The following NEK10 variants were observed in gnomAD, a reference collection of about 807,000 sequenced individuals.
NEK10 encodes NIMA related kinase 10.
In NEK10, 122 loss-of-function variants were observed where a neutral mutation model predicts 159.8. The observed-to-expected ratio is 0.76, with a 90% CI of 0.66 to 0.89. NEK10 has a LOEUF of 0.89. Among genes scored for constraint, NEK10 ranks in the 40% least tolerant of loss-of-function variants. The probability of loss-of-function intolerance (pLI) is 0.00; values close to 1 mark genes in which losing one functional copy is unlikely to be tolerated. For missense variants in NEK10, 1,342 were observed against 1,323.1 expected, an observed-to-expected ratio of 1.01 and a Z score of -0.22; for synonymous variants, 466 against 457.1, an observed-to-expected ratio of 1.02 and a Z score of -0.25.
chr3:27,235,638 A>G (rs1272890067), intron 23 of NEK10, among the ~76,000 whole-genome samples: 1 of 152,136 alleles, frequency 6.6e-6, no homozygotes, highest in Non-Finnish European at 1.5e-5. Context: ...TGTGGAGAAA[A>G]AGAAATGCTT....
At chr3:27,351,426 C>A (rs184103830) in intron 3 of NEK10, among the ~76,000 whole-genome samples, 3 of 152,068 alleles carry the variant, frequency 2.0e-5, no homozygotes, top group Admixed American at 6.6e-5. Context: ...CTAGACTTCA[C>A]CAATTAGGAG....
chr3:27,308,866 C>G, intron 10 of NEK10, 60 bp downstream of exon 10: 1 of 726,896 alleles, frequency 1.4e-6, no homozygotes, highest in Non-Finnish European at 2.3e-6. Context: ...ATTTTGCATC[C>G]TTACCACCTA....
At chr3:27,340,873 T>C (rs927936824) in intron 5 of NEK10, among the ~76,000 whole-genome samples, 1 of 152,106 alleles carries the variant, frequency 6.6e-6, no homozygotes, top group Non-Finnish European at 1.5e-5. Context: ...AAGAAATCAG[T>C]ATAACAAAGG....
At chr3:27,205,958 A>G (rs1313943522) in intron 23 of NEK10, among the ~76,000 whole-genome samples, 1 of 143,912 alleles carries the variant, frequency 6.9e-6, no homozygotes, top group African/African-American at 2.6e-5. Flanking sequence ...CAACCTACTC[A>G]TCTGACAAAG....
At chr3:27,208,103 T>C (rs1263497265) in intron 23 of NEK10, among the ~76,000 whole-genome samples, 2 of 152,154 alleles carry the variant, frequency 1.3e-5, no homozygotes, top group African/African-American at 4.8e-5. Flanking sequence ...TGGATATTTA[T>C]GGTTGCTGAA....
At chr3:27,248,490 T>G (rs995629278) in intron 23 of NEK10, among the ~76,000 whole-genome samples, 5 of 152,144 alleles carry the variant, frequency 3.3e-5, no homozygotes, top group African/African-American at 1.2e-4. Flanking sequence ...GGTTTAGGCA[T>G]TTATAGCTAC....
intron 1 of NEK10, chr3:27,363,800 T>G (rs2048854199): frequency 6.6e-6 from 1 of 152,200 alleles, no homozygotes; most frequent in Admixed American, 6.5e-5. Context: ...TCTCCACTGA[T>G]GCAAGTTGAC....
At chr3:27,117,362 C>T (rs1260571207) in intron 33 of NEK10, among the ~76,000 whole-genome samples, 1 of 152,184 alleles carries the variant, frequency 6.6e-6, no homozygotes, top group African/African-American at 2.4e-5. Context: ...ATTGCTGGTT[C>T]AAATGGTATT....
At chr3:27,312,446 C>T (rs1039950227) in intron 7 of NEK10, among the ~76,000 whole-genome samples, 1 of 152,102 alleles carries the variant, frequency 6.6e-6, no homozygotes, top group Non-Finnish European at 1.5e-5. Flanking sequence ...TGACTCTTAA[C>T]TAAGTAAGTT....
At chr3:27,165,279 TAG>T (rs1409868337) in intron 29 of NEK10, among the ~76,000 whole-genome samples, 1 of 152,182 alleles carries the variant, frequency 6.6e-6, no homozygotes, top group Non-Finnish European at 1.5e-5. Context: ...AATTTCAAAA[TAG>T]AACAGACTCA....
In NEK10 at chr3:27,311,666, G is replaced by A. The variant is rs529308622; in HGVS notation, c.568+433C>T. ...GACTAAGGAATACCTCACACTCACA[G>A]TCCAATGTTTTCACATTCGCAGCAT... is the stretch of plus-strand genomic sequence containing the variant. On this transcript the variant is annotated intron_variant, in intron 8 of 35. Transcript: ENST00000691995. The A allele has an allele frequency of 3.5e-5, 7 of 197,236 alleles. No individual in the cohort carries two copies. The South Asian group carries it at 4.2e-4, about 12-fold the overall frequency. 12.2% of individuals were successfully genotyped at this position (197,236 alleles called of 1,614,324 possible).
chr3:27,306,843 A>G (rs960560934), intron 11 of NEK10, among the ~76,000 whole-genome samples: 2 of 152,134 alleles, frequency 1.3e-5, no homozygotes, highest in Non-Finnish European at 2.9e-5. Context: ...TTTTGTTCTT[A>G]TGGTCCTGCT....
intron 6 of NEK10, among the ~76,000 whole-genome samples, chr3:27,317,941 T>C (rs983216997): frequency 6.6e-6 from 1 of 152,192 alleles, no homozygotes; most frequent in Non-Finnish European, 1.5e-5. Context: ...TGGCTGGGAC[T>C]ACAGGCGCCC....
At chr3:27,303,276 G>C (rs550927067) in intron 12 of NEK10, among the ~76,000 whole-genome samples, 2 of 152,168 alleles carry the variant, frequency 1.3e-5, no homozygotes, top group South Asian at 4.1e-4. Context: ...AGCAAAAGAA[G>C]AAAGCTAGAT....
intron 20 of NEK10, among the ~76,000 whole-genome samples, chr3:27,286,986 C>A (rs968152145): frequency 6.6e-6 from 1 of 151,972 alleles, no homozygotes; most frequent in Non-Finnish European, 1.5e-5. Context: ...ATAACAATAG[C>A]ACTGAAAAAG....
At chr3:27,286,589 C>T (rs1197701668) in intron 20 of NEK10, among the ~76,000 whole-genome samples, 1 of 128,936 alleles carries the variant, frequency 7.8e-6, no homozygotes, top group Non-Finnish European at 1.6e-5. Flanking sequence ...AGGGTTTCAC[C>T]ATGTTGGCCA....
chr3:27,189,458 T>G (rs1354458604), intron 26 of NEK10, among the ~76,000 whole-genome samples: 1 of 152,080 alleles, frequency 6.6e-6, no homozygotes, highest in African/African-American at 2.4e-5. Flanking sequence ...CCCACTAATT[T>G]CTCTTTCCCT....
In NEK10 at chr3:27,192,216, C is replaced by A. The variant is rs368785945; in HGVS notation, c.2318G>T (p.Arg773Leu). The A allele has an allele frequency of 6.8e-6, 11 of 1,613,904 alleles. No homozygotes were observed. Among genetic ancestry groups the A allele is most frequent in the Non-Finnish European group, 9.3e-6 (11 of 1,179,928 alleles). ...CGAACTGACTTCTACAATATCTGGA[C>A]GAGCTTCCGCATCAGGAGTGAGGCA... is the stretch of plus-strand genomic sequence containing the variant. ...SRCLTPDAEA[R>L]PDIVEVSSMI... Residue 773 changes from arginine (R) to leucine (L), a missense_variant, in exon 26 of 36, where the codon CGT becomes CTT. Transcript: ENST00000691995.
chr3:27,285,526 A>AC lies in NEK10; in HGVS notation c.1790-566_1790-565insG, dbSNP rs1336650343. 2.7e-3 allele frequency among the ~76,000 whole-genome samples: 404 copies of AC among 147,872 alleles called. 4 individuals carry two copies. The highest frequency in any genetic ancestry group is 9.6e-3 in the African/African-American group (390 of 40,770). Reference sequence around the variant, plus strand: ...TGTTATGTCTTTCAAAAGCAAAAAAAAAAAAACAAACAAACAAACAAAAAA... The same window carrying AC: ...TGTTATGTCTTTCAAAAGCAAAAAAACAAAAAACAAACAAACAAACAAAAAA... On this transcript the variant is annotated intron_variant, in intron 20 of 35. Transcript: ENST00000691995.
Sources: allele counts gnomAD v4.1 joint callset (sites outside exome capture counted in the v4.1 genomes callset), GRCh38; gene constraint gnomAD v4.1.1; transcripts MANE v1.5; gene names NCBI Gene and HGNC (gene_info 2026-07-23, HGNC 2026-07-21).